HECW2: variants seen among roughly 807,000 people sequenced by gnomAD.
HECW2 encodes HECT, C2 and WW domain containing E3 ubiquitin protein ligase 2, also known as E3 ubiquitin-protein ligase HECW2.
In HECW2, 61 loss-of-function variants were observed where a neutral mutation model predicts 175.2. The ratio of observed to expected loss-of-function variants is 0.35; its 90% CI spans 0.28 to 0.43. HECW2 has a LOEUF of 0.43. Ranked by LOEUF, HECW2 falls within the 20% of genes least tolerant of loss-of-function variation. The pLI, the probability that HECW2 is intolerant of heterozygous loss-of-function variation, is 1.00. For missense variants in HECW2, 1,524 were observed against 2,000.5 expected (o/e 0.76, Z 4.54); for synonymous variants, 671 against 731.0 (o/e 0.92, Z 1.32).
intron 1 of HECW2, among the ~76,000 whole-genome samples, chr2:196,510,992 G>A (rs185816450): frequency 6.6e-6 from 1 of 152,050 alleles, no homozygotes; most frequent in South Asian, 2.1e-4. Context: ...TTGAGACAGG[G>A]TCTCACTCTG....
At chr2:196,475,142 A>G (rs1486215572) in intron 1 of HECW2, among the ~76,000 whole-genome samples, 1 of 152,002 alleles carries the variant, frequency 6.6e-6, no homozygotes. Context: ...ACACACACCT[A>G]ACACTGCCCC....
At chr2:196,211,283 G>T (rs139497850) in intron 28 of HECW2, among the ~76,000 whole-genome samples, 2 of 152,296 alleles carry the variant, frequency 1.3e-5, no homozygotes, top group East Asian at 3.9e-4. Flanking sequence ...TCTTAGCAGC[G>T]CATTTTTTGG....
intron 1 of HECW2, among the ~76,000 whole-genome samples, chr2:196,527,172 A>G (rs962370079): frequency 3.3e-5 from 5 of 152,170 alleles, no homozygotes; most frequent in Non-Finnish European, 5.9e-5. Context: ...GTGGGATATA[A>G]TCTCGTGGTG....
At chr2:196,530,065 G>GA (rs1393104708) in intron 1 of HECW2, among the ~76,000 whole-genome samples, 3 of 152,118 alleles carry the variant, frequency 2.0e-5, no homozygotes, top group Non-Finnish European at 4.4e-5. Context: ...TTTGGAAAAA[G>GA]AAAAAAATCA....
intron 1 of HECW2, among the ~76,000 whole-genome samples, chr2:196,442,511 CACA>C (rs1299733160): frequency 3.9e-5 from 6 of 152,100 alleles, no homozygotes; most frequent in Non-Finnish European, 7.4e-5. Context: ...AGATGATCAC[CACA>C]ACATTATTCA....
intron 19 of HECW2, among the ~76,000 whole-genome samples, chr2:196,246,853 C>G (rs1309301705): frequency 6.6e-6 from 1 of 152,152 alleles, no homozygotes; most frequent in African/African-American, 2.4e-5. Context: ...TGTTTATACT[C>G]TAGGTAAAGG....
At chr2:196,378,736 G>A (rs142468786) in intron 2 of HECW2, among the ~76,000 whole-genome samples, 167 of 152,186 alleles carry the variant, frequency 1.1e-3, no homozygotes, top group African/African-American at 3.7e-3. Context: ...CAGGAAATAA[G>A]TACAGAAGAA....
chr2:196,205,138 T>C (rs527396813), intron 28 of HECW2, among the ~76,000 whole-genome samples: 2 of 152,228 alleles, frequency 1.3e-5, no homozygotes, highest in Non-Finnish European at 2.9e-5. Flanking sequence ...AACACAACTT[T>C]CCTTCTAATA....
chr2:196,429,266 T>A (rs1477546551), intron 2 of HECW2, among the ~76,000 whole-genome samples: 1 of 152,128 alleles, frequency 6.6e-6, no homozygotes, highest in Non-Finnish European at 1.5e-5. Context: ...GCCCTGAGAT[T>A]AAGGACTTAC....
At chr2:196,385,972 A>G (rs1303234884) in intron 2 of HECW2, among the ~76,000 whole-genome samples, 2 of 152,116 alleles carry the variant, frequency 1.3e-5, no homozygotes, top group African/African-American at 4.8e-5. Context: ...TCTTCCTATT[A>G]ACATACACCA....
chr2:196,425,693 A>G (rs1364213989), intron 2 of HECW2, among the ~76,000 whole-genome samples: 1 of 152,184 alleles, frequency 6.6e-6, no homozygotes, highest in East Asian at 1.9e-4. Context: ...ACTTGAATGG[A>G]TAAGGAGTTC....
At chr2:196,203,903 C>G (rs1686965190) in intron 28 of HECW2, among the ~76,000 whole-genome samples, 1 of 152,158 alleles carries the variant, frequency 6.6e-6, no homozygotes, top group East Asian at 1.9e-4. Context: ...AACCACCATT[C>G]TACTTTGTGT....
chr2:196,321,391 C>CTTTTTT (rs10622627), intron 7 of HECW2, among the ~76,000 whole-genome samples: 1 of 139,796 alleles, frequency 7.2e-6, no homozygotes, highest in Non-Finnish European at 1.5e-5. Flanking sequence ...CTTTTTCTCT[C>CTTTTTT]TTTTTTTTTT....
chr2:196,371,410 A>G (rs1693906702), intron 2 of HECW2, among the ~76,000 whole-genome samples: 1 of 152,232 alleles, frequency 6.6e-6, no homozygotes, highest in Admixed American at 6.5e-5. Flanking sequence ...CAAGTACAGG[A>G]ATAAAGAAGA....
At chr2:196,365,503 C>T (rs1053828116) in intron 2 of HECW2, among the ~76,000 whole-genome samples, 1 of 152,172 alleles carries the variant, frequency 6.6e-6, no homozygotes, top group Non-Finnish European at 1.5e-5. Flanking sequence ...TTTCTTCGAA[C>T]CCTGTGTTCC....
intron 14 of HECW2, 148 bp from the exon 15 acceptor site, chr2:196,278,810 T>C (rs1690076714): frequency 1.2e-6 from 1 of 842,508 alleles, no homozygotes; most frequent in African/African-American, 1.7e-5. Context: ...AATTTCTCCT[T>C]ACCCACACAG....
intron 2 of HECW2, among the ~76,000 whole-genome samples, chr2:196,426,101 C>T (rs947786897): frequency 6.6e-6 from 1 of 152,132 alleles, no homozygotes; most frequent in Non-Finnish European, 1.5e-5. Context: ...CTCAGATGAT[C>T]ATTAACATTT....
At chr2:196,389,567 A>C (rs6731063) in intron 2 of HECW2, among the ~76,000 whole-genome samples, 152,198 of 152,274 alleles carry the variant, frequency 1, 76,061 homozygotes, top group Non-Finnish European at 1. Context: ...GGGGAATGTA[A>C]CTTGATGAAT....
chr2:196,309,328 G>C (rs774600104), intron 10 of HECW2, among the ~76,000 whole-genome samples: 2 of 152,158 alleles, frequency 1.3e-5, no homozygotes, highest in Non-Finnish European at 2.9e-5. Flanking sequence ...GAGGAATTGG[G>C]CTGAACAAAA....
Sources: gnomAD v4.1 joint callset for allele counts (sites outside exome capture counted in the v4.1 genomes callset) on GRCh38, gnomAD v4.1.1 for gene constraint, MANE v1.5 for transcripts, NCBI Gene and HGNC (gene_info 2026-07-23, HGNC 2026-07-21) for gene names.